The following NCOA1 variants were observed in gnomAD, a reference collection of about 807,000 sequenced individuals.
NCOA1 encodes nuclear receptor coactivator 1.
NCOA1 carries 35 observed loss-of-function variants against 150.9 expected under a neutral mutation model. The ratio of observed to expected loss-of-function variants is 0.23; its 90% CI spans 0.18 to 0.31. The LOEUF is 0.31. Ranked by LOEUF, NCOA1 falls within the 10% of genes least tolerant of loss-of-function variation. NCOA1 has a pLI of 1.00. For missense variants in NCOA1, 1,491 were observed against 1,749.3 expected (o/e 0.85, Z 2.63); for synonymous variants, 590 against 630.0 (o/e 0.94, Z 0.95).
chr2:24,550,480 G>T (rs1665780668), intron 1 of NCOA1, among the ~76,000 whole-genome samples: 1 of 152,144 alleles, frequency 6.6e-6, no homozygotes, highest in African/African-American at 2.4e-5. Context: ...CTAGTGCTGG[G>T]AAACTCCCCC....
chr2:24,648,733 A>G (rs1355223600), intron 4 of NCOA1, among the ~76,000 whole-genome samples: 1 of 152,156 alleles, frequency 6.6e-6, no homozygotes, highest in Non-Finnish European at 1.5e-5. Flanking sequence ...TGACTTTGGT[A>G]CTTCTTCTAC....
chr2:24,715,168 A>C, intron 14 of NCOA1, among the ~76,000 whole-genome samples: 1 of 152,190 alleles, frequency 6.6e-6, no homozygotes, highest in East Asian at 1.9e-4. Context: ...TCAAGCTAAA[A>C]TAAAATGAAT....
rs1673825250 is a variant in NCOA1 at position 24,712,944 on chromosome 2, A to G, written c.2599+1833A>G. Reference sequence around the variant, plus strand: ...GCCAGTAATGATTAAGAATTACACAAACAGGCCAGGTGCGGTGGCTCACGC... The same window carrying G: ...GCCAGTAATGATTAAGAATTACACAGACAGGCCAGGTGCGGTGGCTCACGC... On this transcript the variant is annotated intron_variant, in intron 14 of 22. Coordinates refer to ENST00000348332, the MANE Select transcript of NCOA1 (RefSeq NM_003743.5). Among the ~76,000 whole-genome samples the G allele has an allele frequency of 2.6e-5, 4 of 152,248 alleles. No individual in the cohort carries two copies. In the South Asian group the frequency reaches 8.3e-4, roughly 32 times the overall value.
rs541697771 is a variant in NCOA1 at position 24,535,456 on chromosome 2, G to A, written c.-395-28839G>A. The stretch of plus-strand genomic sequence containing the variant: ...GGCATTTAGCCCATTTGCATTTAAG[G>A]TTAATATTATTATGTGTGAATTTGA... On this transcript the variant is annotated intron_variant, in intron 1 of 22. Coordinates refer to ENST00000348332, the MANE Select transcript of NCOA1 (RefSeq NM_003743.5). Among the ~76,000 whole-genome samples the A allele has an allele frequency of 7.7e-4, 117 of 152,222 alleles. 1 individual carries two copies. Among genetic ancestry groups the A allele is most frequent in the African/African-American group, 2.7e-3 (112 of 41,532 alleles).
At chr2:24,695,992 C>T (rs933516921) in intron 10 of NCOA1, among the ~76,000 whole-genome samples, 11 of 152,130 alleles carry the variant, frequency 7.2e-5, no homozygotes, top group African/African-American at 2.7e-4. Flanking sequence ...CCTGCTATAA[C>T]CAACTTTTTA....
intron 1 of NCOA1, among the ~76,000 whole-genome samples, chr2:24,547,563 T>C (rs747924114): frequency 3.4e-4 from 52 of 152,228 alleles, no homozygotes; most frequent in Admixed American, 1.5e-3. Context: ...AAAATGCAGA[T>C]ACTCTTTGAC....
At chr2:24,658,871 G>T in intron 5 of NCOA1, 105 bp downstream of exon 5, 1 of 991,874 alleles carries the variant, frequency 1.0e-6, no homozygotes, top group South Asian at 1.4e-5. Flanking sequence ...GGCTTTCTTT[G>T]AGTCTTTCAT....
rs1473168286 is a variant in NCOA1 at position 24,525,489 on chromosome 2, ATTATCT to A, written c.-396+33891_-396+33896del. ...ATTTATTTGATCTCACTTCTACTTG[ATTATCT>A]TTAGTAATGTGGAAATAGCTACTTC... On this transcript the variant is annotated intron_variant, in intron 1 of 22. Coordinates refer to ENST00000348332, the MANE Select transcript of NCOA1 (RefSeq NM_003743.5). Among the ~76,000 whole-genome samples the A allele has an allele frequency of 6.6e-5, 10 of 151,756 alleles. No individual in the cohort carries two copies. In the East Asian group the frequency reaches 1.9e-3, roughly 29 times the overall value.
chr2:24,644,959 G>A (rs574399319), intron 4 of NCOA1, among the ~76,000 whole-genome samples: 82 of 152,208 alleles, frequency 5.4e-4, no homozygotes, highest in African/African-American at 1.8e-3. Context: ...TAAAGGAGGC[G>A]ACAGTTGTCA....
rs750560943 is a variant in NCOA1 at position 24,726,628 on chromosome 2, T to A, written c.2639T>A (p.Phe880Tyr). The change falls in exon 15 of 23, where the codon TTT becomes TAT. Residue 880 changes from phenylalanine (F) to tyrosine (Y), a missense_variant. Physicochemically the swap from Phe to Tyr is conservative, Grantham distance 22. Around this residue, in one of 8 missense-constraint regions of NCOA1, gnomAD observed 703 missense variants for 717.7 expected, o/e 0.98. Transcript: ENST00000348332. Reference sequence around the variant, plus strand: ...GAATTGGAAGCAATTGATAACCAATTTGGACAACCAGGAACAGGCGATCAG... The same window carrying A: ...GAATTGGAAGCAATTGATAACCAATATGGACAACCAGGAACAGGCGATCAG... Reference protein sequence around the residue: ...ELELEAIDNQFGQPGTGDQIP... With the variant: ...ELELEAIDNQYGQPGTGDQIP... 1.2e-6 allele frequency: 2 copies of A among 1,610,372 alleles called. No homozygotes were observed. The highest frequency in any genetic ancestry group is 1.7e-6 in the Non-Finnish European group (2 of 1,178,274).
intron 3 of NCOA1, among the ~76,000 whole-genome samples, chr2:24,599,313 A>G (rs1668010591): frequency 1.3e-5 from 2 of 152,302 alleles, no homozygotes; most frequent in Admixed American, 1.3e-4. Context: ...TCTTCCTATT[A>G]AGGGATGTTA....
chr2:24,593,696 T>G (rs987000450), intron 3 of NCOA1, among the ~76,000 whole-genome samples: 1 of 152,142 alleles, frequency 6.6e-6, no homozygotes, highest in African/African-American at 2.4e-5. Context: ...CCCTTACAAG[T>G]TATATGCCTG....
chr2:24,729,891 G>C, intron 17 of NCOA1, 76 bp downstream of exon 17: 1 of 1,475,482 alleles, frequency 6.8e-7, no homozygotes, highest in Non-Finnish European at 9.1e-7. Context: ...GGCTAGTGTG[G>C]CTAGTGTGCA....
At chr2:24,690,579 G>A (rs998672519) in intron 8 of NCOA1, among the ~76,000 whole-genome samples, 2 of 144,194 alleles carry the variant, frequency 1.4e-5, no homozygotes, top group African/African-American at 5.2e-5. Context: ...TTTAATCCAG[G>A]AGGCGCAGGT....
chr2:24,699,946 A>T (rs1305358812), intron 11 of NCOA1, among the ~76,000 whole-genome samples: 4 of 152,106 alleles, frequency 2.6e-5, no homozygotes, highest in Non-Finnish European at 1.5e-5. Flanking sequence ...GGAGTTCAAG[A>T]CCAGCCTAAT....
intron 14 of NCOA1, 126 bp from the exon 15 acceptor site, chr2:24,726,463 G>T: frequency 1.9e-6 from 1 of 531,044 alleles, no homozygotes. Context: ...CTGAATAAGT[G>T]ACCTTTGTAT....
chr2:24,523,703 G>A (rs1402755764), intron 1 of NCOA1, among the ~76,000 whole-genome samples: 7 of 149,004 alleles, frequency 4.7e-5, no homozygotes, highest in South Asian at 2.1e-4. Flanking sequence ...CGAGGTGGGC[G>A]GATCATGAGG....
intron 1 of NCOA1, among the ~76,000 whole-genome samples, chr2:24,503,332 T>C (rs1392037960): frequency 1.4e-5 from 2 of 144,820 alleles, no homozygotes; most frequent in Admixed American, 1.4e-4. Flanking sequence ...TGTAGAGCTC[T>C]ACCTGTCCTG....
chr2:24,601,823 A>T (rs1234656970), intron 3 of NCOA1, among the ~76,000 whole-genome samples: 4 of 151,714 alleles, frequency 2.6e-5, no homozygotes, highest in Non-Finnish European at 5.9e-5. Context: ...TTTAGTAGAG[A>T]CAGGGTTTCA....
Sources: allele counts gnomAD v4.1 joint callset (sites outside exome capture counted in the v4.1 genomes callset), GRCh38; gene constraint gnomAD v4.1.1; regional missense constraint gnomAD v4.1.1; transcripts MANE v1.5; gene names NCBI Gene and HGNC (gene_info 2026-07-23, HGNC 2026-07-21).